The following BAZ2B variants were observed in gnomAD, a reference collection of about 807,000 sequenced individuals.
The protein encoded by BAZ2B is bromodomain adjacent to zinc finger domain 2B.
A neutral mutation model predicts 246.0 loss-of-function variants in BAZ2B; 91 were observed. The observed-to-expected ratio is 0.37, with a 90% CI of 0.31 to 0.44. BAZ2B has a LOEUF of 0.44. BAZ2B is among the 20% of genes least tolerant of loss of function. The pLI, the probability that BAZ2B is intolerant of heterozygous loss-of-function variation, is 1.00. For missense variants in BAZ2B, 2,332 were observed against 2,533.7 expected (o/e 0.92, Z 1.71); for synonymous variants, 855 against 860.0 (o/e 0.99, Z 0.10).
chr2:159,589,442 T>C (rs1039317693), intron 1 of BAZ2B, among the ~76,000 whole-genome samples: 1 of 151,770 alleles, frequency 6.6e-6, no homozygotes, highest in African/African-American at 2.4e-5. Context: ...CCAAAGCTGA[T>C]GCTTTTGCTG....
chr2:159,369,708 A>G (rs1325454362), intron 27 of BAZ2B, among the ~76,000 whole-genome samples: 1 of 152,104 alleles, frequency 6.6e-6, no homozygotes, highest in East Asian at 1.9e-4. Context: ...CATTTTCTTA[A>G]GCTTTTCAGG....
chr2:159,497,885 C>T (rs2081326195), intron 2 of BAZ2B, among the ~76,000 whole-genome samples: 1 of 152,166 alleles, frequency 6.6e-6, no homozygotes, highest in Non-Finnish European at 1.5e-5. Flanking sequence ...CTGGTTTTCA[C>T]TTCCAATAAT....
chr2:159,483,270 T>A lies in BAZ2B; in HGVS notation c.-2-4549A>T, dbSNP rs568123360. On this transcript the variant is annotated intron_variant, in intron 2 of 36. Coordinates refer to ENST00000392783, the MANE Select transcript of BAZ2B (RefSeq NM_013450.4). ...TGGAGTGCAGTGTTGTGATCATGGCTCACTGCAGCCTCAACCTCCTGGGCT... is the reference window on the plus strand; with the variant it reads ...TGGAGTGCAGTGTTGTGATCATGGCACACTGCAGCCTCAACCTCCTGGGCT... Among the ~76,000 whole-genome samples the A allele has an allele frequency of 6.6e-5, 10 of 152,228 alleles. No homozygotes were observed. The South Asian group carries it at 2.1e-3, about 32-fold the overall frequency.
intron 25 of BAZ2B, 142 bp downstream of exon 25, chr2:159,382,417 A>G (rs937021738): frequency 2.3e-6 from 2 of 865,748 alleles, no homozygotes; most frequent in African/African-American, 1.7e-5. Flanking sequence ...ACAGATTGTA[A>G]TATTTGTTTT....
chr2:159,417,420 C>G (rs2067941979), intron 13 of BAZ2B, among the ~76,000 whole-genome samples: 1 of 152,144 alleles, frequency 6.6e-6, no homozygotes, highest in South Asian at 2.1e-4. Flanking sequence ...ATCCACCCGC[C>G]TTGGCCTCCC....
chr2:159,478,720 A>G lies in BAZ2B; in HGVS notation c.-1T>C, dbSNP rs2078911281. The G allele has an allele frequency of 1.3e-6, 2 of 1,527,868 alleles. No individual in the cohort carries two copies. Among genetic ancestry groups the G allele is most frequent in the South Asian group, 2.7e-5 (2 of 74,012 alleles). 94.6% of individuals were successfully genotyped at this position (1,527,868 alleles called of 1,614,324 possible). The stretch of plus-strand genomic sequence containing the variant: ...ATGGTAACCGTTCTCCAGACTCCAT[A>G]TCTATGAGAAGGGAAAATGTTAATT... On this transcript the variant is annotated splice_region_variant and 5_prime_UTR_variant, in exon 3 of 37. Transcript: ENST00000392783.
chr2:159,386,625 T>C lies in BAZ2B; in HGVS notation c.3217-18A>G. 6.4e-7 allele frequency: 1 copy of C among 1,565,368 alleles called. No individual in the cohort carries two copies. Among genetic ancestry groups the C allele is most frequent in the Non-Finnish European group, 8.6e-7 (1 of 1,160,596 alleles). ...GGCAAAGGCTGAAAATAAAATGAAA[T>C]ACAAATAAAATAAAAACAGCTTAAT... On this transcript the variant is annotated intron_variant, in intron 21 of 36. Transcript: ENST00000392783.
chr2:159,623,207 C>T, the BAZ2B span, among the ~76,000 whole-genome samples: 1 of 151,514 alleles, frequency 6.6e-6, no homozygotes, highest in Non-Finnish European at 1.5e-5. Flanking sequence ...AGAGCAAGAG[C>T]ATGCACGAGA....
chr2:159,555,653 G>A (rs148037538), intron 2 of BAZ2B, 170 bp downstream of exon 2: 1 of 139,408 alleles, frequency 7.2e-6, no homozygotes, highest in Non-Finnish European at 1.5e-5. Context: ...TATTTTAAAA[G>A]TATTTAAATA....
At chr2:159,337,941 A>G (rs189752130) in intron 31 of BAZ2B, among the ~76,000 whole-genome samples, 169 bp from the exon 32 acceptor site, 2 of 152,354 alleles carry the variant, frequency 1.3e-5, no homozygotes, top group Admixed American at 6.5e-5. Flanking sequence ...GAAAAAAATT[A>G]AAAGAAATAG....
At chr2:159,472,664 T>C (rs1471960366) in intron 3 of BAZ2B, among the ~76,000 whole-genome samples, 1 of 152,250 alleles carries the variant, frequency 6.6e-6, no homozygotes, top group East Asian at 1.9e-4. Flanking sequence ...GTTCCATCAA[T>C]ACCTAGTTTA....
intron 3 of BAZ2B, among the ~76,000 whole-genome samples, chr2:159,457,261 C>G (rs2075889036): frequency 6.6e-6 from 1 of 152,080 alleles, no homozygotes; most frequent in South Asian, 2.1e-4. Context: ...TTAAACAGTG[C>G]AAGACTATTT....
the BAZ2B span, among the ~76,000 whole-genome samples, chr2:159,626,827 C>T: frequency 6.6e-6 from 1 of 151,970 alleles, no homozygotes; most frequent in African/African-American, 2.4e-5. Flanking sequence ...CAGAACAGAA[C>T]CAAAGGAGAT....
chr2:159,335,130 C>A (rs2065407231), intron 33 of BAZ2B, among the ~76,000 whole-genome samples: 1 of 152,082 alleles, frequency 6.6e-6, no homozygotes, highest in Admixed American at 6.6e-5. Flanking sequence ...TTGCCTAGAT[C>A]TCACCAAATA....
chr2:159,417,650 G>C (rs2067991394), intron 13 of BAZ2B, among the ~76,000 whole-genome samples: 1 of 152,182 alleles, frequency 6.6e-6, no homozygotes, highest in South Asian at 2.1e-4. Context: ...TGAAATAAGT[G>C]AAAGTACACT....
chr2:159,706,597 CAAT>C, the BAZ2B span, among the ~76,000 whole-genome samples: 28 of 152,230 alleles, frequency 1.8e-4, no homozygotes, highest in African/African-American at 6.0e-4. Context: ...ATTACAGGAA[CAAT>C]GATTGCTAGT....
rs536672999 is a variant in BAZ2B at position 159,580,396 on chromosome 2, C to T, written c.-45-24531G>A. Among the ~76,000 whole-genome samples, 9 of 152,228 alleles carry T rather than the reference C, an allele frequency of 5.9e-5. 1 individual carries two copies. The South Asian group carries it at 1.0e-3, about 18-fold the overall frequency. ...CCTCTTCAAGGAGAACTACAAACCA[C>T]GGCTCAACAAAATAAAGGATGACAC... On this transcript the variant is annotated intron_variant, in intron 1 of 36. Transcript: ENST00000392783.
Position 159,360,055 on chromosome 2 carries a change from A to T in BAZ2B, c.4214-9698T>A, listed in dbSNP as rs548594041. On this transcript the variant is annotated intron_variant, in intron 27 of 36. Coordinates refer to ENST00000392783, the MANE Select transcript of BAZ2B (RefSeq NM_013450.4). The stretch of plus-strand genomic sequence containing the variant: ...CTTTGAATACTGGCACAAGACAAGG[A>T]TGCCCTTTCTTACCAATCCTATTCA... Among the ~76,000 whole-genome samples the T allele has an allele frequency of 2.0e-4, 30 of 152,330 alleles. No homozygotes were observed. In the South Asian group the frequency reaches 5.8e-3, roughly 29 times the overall value.
At chr2:159,330,283 A>T (rs562489797) in intron 34 of BAZ2B, among the ~76,000 whole-genome samples, 152 of 152,312 alleles carry the variant, frequency 1.0e-3, no homozygotes, top group African/African-American at 3.6e-3. Flanking sequence ...GATAACCTCG[A>T]GGCAAAAAAA....
Sources: gnomAD v4.1 joint callset for allele counts (sites outside exome capture counted in the v4.1 genomes callset) on GRCh38, gnomAD v4.1.1 for gene constraint, MANE v1.5 for transcripts, NCBI Gene and HGNC (gene_info 2026-07-23, HGNC 2026-07-21) for gene names.